FEZ1: variants seen among roughly 807,000 people sequenced by gnomAD.
The protein encoded by FEZ1 is fasciculation and elongation protein zeta 1, also known as fasciculation and elongation protein zeta-1.
FEZ1 carries 20 observed loss-of-function variants against 49.3 expected under a neutral mutation model. That is an observed-to-expected ratio of 0.41 (90% CI 0.29 to 0.59). The LOEUF is 0.59. Among genes scored for constraint, FEZ1 ranks in the 20% least tolerant of loss-of-function variants. The pLI is 0.36. For missense variants in FEZ1, 413 were observed against 476.0 expected (o/e 0.87, Z 1.23); for synonymous variants, 170 against 180.9 (o/e 0.94, Z 0.48).
In FEZ1 at chr11:125,468,396, C is replaced by G. The variant is rs372275946; in HGVS notation, c.412-4826G>C. 5.3e-5 allele frequency among the ~76,000 whole-genome samples: 8 copies of G among 152,196 alleles called. No individual in the cohort carries two copies. The East Asian group carries it at 1.5e-3, about 29-fold the overall frequency. On this transcript the variant is annotated intron_variant, in intron 3 of 9. Transcript: ENST00000278919. ...GTCCAATACTCCCTCTTTATCTTTACCCAGGCTGGCTTCTAACTCCTAGGC... is the reference window on the plus strand; with the variant it reads ...GTCCAATACTCCCTCTTTATCTTTAGCCAGGCTGGCTTCTAACTCCTAGGC...
intron 6 of FEZ1, 123 bp downstream of exon 6, chr11:125,455,710 CAG>C: frequency 1.1e-6 from 1 of 950,192 alleles, no homozygotes; most frequent in Non-Finnish European, 1.7e-6. Context: ...CTGTCTGTCA[CAG>C]TGTGCTGCTC....
chr11:125,466,555 C>A (rs1957132106), intron 3 of FEZ1, among the ~76,000 whole-genome samples: 1 of 151,924 alleles, frequency 6.6e-6, no homozygotes, highest in African/African-American at 2.4e-5. Flanking sequence ...CAAGAAAAGT[C>A]ATTCTTCCAA....
intron 3 of FEZ1, among the ~76,000 whole-genome samples, chr11:125,472,090 A>G (rs1186989476): frequency 6.6e-6 from 1 of 152,102 alleles, no homozygotes; most frequent in Non-Finnish European, 1.5e-5. Flanking sequence ...ACCCAATCAA[A>G]ATATGTAGAA....
At chr11:125,461,649 A>G (rs1328683137) in intron 4 of FEZ1, among the ~76,000 whole-genome samples, 1 of 152,208 alleles carries the variant, frequency 6.6e-6, no homozygotes, top group African/African-American at 2.4e-5. Flanking sequence ...TTGTACATTA[A>G]TTATTTACAA....
intron 9 of FEZ1, among the ~76,000 whole-genome samples, chr11:125,447,281 G>A (rs1956907303): frequency 6.6e-6 from 1 of 152,034 alleles, no homozygotes; most frequent in African/African-American, 2.4e-5. Context: ...TTACACCATG[G>A]GGATGAAATT....
intron 9 of FEZ1, among the ~76,000 whole-genome samples, chr11:125,448,266 T>C (rs1485792184): frequency 6.6e-6 from 1 of 152,226 alleles, no homozygotes; most frequent in Non-Finnish European, 1.5e-5. Context: ...AAGTCCTTTG[T>C]TGGTTTGTTG....
rs1179325667 is a variant in FEZ1 at position 125,443,461 on chromosome 11, A to G, written c.*2634T>C. Among the ~76,000 whole-genome samples the G allele has an allele frequency of 6.6e-6, 1 of 152,230 alleles. No homozygotes were observed. Among genetic ancestry groups the G allele is most frequent in the African/African-American group, 2.4e-5 (1 of 41,454 alleles). On this transcript the variant is annotated 3_prime_UTR_variant, in exon 10 of 10. Coordinates refer to ENST00000278919, the MANE Select transcript of FEZ1 (RefSeq NM_005103.5). ...AATCCTTGATGCAAATACAAGTTGC[A>G]GGGAGATTTAGCTTAATACGTAGTA...
rs1957444378 is a variant in FEZ1, at chr11:125,495,072, A to C, written c.-46+1049T>G. ...ATGTTTGTGCACATTTTGACAGAAAAAGTATTTCGTTGCATATGGATCAGC... is the reference window on the plus strand; with the variant it reads ...ATGTTTGTGCACATTTTGACAGAAACAGTATTTCGTTGCATATGGATCAGC... On this transcript the variant is annotated intron_variant, in intron 1 of 9. Coordinates refer to ENST00000278919, the MANE Select transcript of FEZ1 (RefSeq NM_005103.5). The surrounding 1 kb of genome is among the most constrained non-coding windows in gnomAD (Gnocchi z 4.2). 2 of 331,472 alleles carry C rather than the reference A, an allele frequency of 6.0e-6. No homozygotes were observed. Among genetic ancestry groups the C allele is most frequent in the Admixed American group, 8.5e-5 (2 of 23,434 alleles). The allele number at this position is 331,472 out of a possible 1,614,324, so 20.5% of individuals were successfully genotyped here.
chr11:125,477,863 A>G (rs2135772902), intron 3 of FEZ1, among the ~76,000 whole-genome samples: 1 of 152,124 alleles, frequency 6.6e-6, no homozygotes, highest in Admixed American at 6.5e-5. Flanking sequence ...ATGCAAAAAA[A>G]AAAAAAGGCA....
chr11:125,466,851 C>A (rs1243443985), intron 3 of FEZ1, among the ~76,000 whole-genome samples: 1 of 152,110 alleles, frequency 6.6e-6, no homozygotes, highest in Admixed American at 6.5e-5. Flanking sequence ...TTTCAAATGA[C>A]CCCATTCATA....
chr11:125,474,333 C>T lies in FEZ1; in HGVS notation c.411+7201G>A, dbSNP rs558328923. ...GATTACAGACATGAGCTACCACGCC[C>T]GGCCTAATTTTTCTTTTTGAGAGGG... On this transcript the variant is annotated intron_variant, in intron 3 of 9. Transcript: ENST00000278919. Among the ~76,000 whole-genome samples, 371 of 151,662 alleles carry T rather than the reference C, an allele frequency of 2.4e-3. 2 individuals carry two copies. Among genetic ancestry groups the T allele is most frequent in the Non-Finnish European group, 4.5e-3 (304 of 67,908 alleles).
chr11:125,486,191 C>T (rs1957325194), intron 2 of FEZ1, among the ~76,000 whole-genome samples: 1 of 152,176 alleles, frequency 6.6e-6, no homozygotes, highest in Non-Finnish European at 1.5e-5. Flanking sequence ...TTATTTTTAA[C>T]ATCACCTATA....
chr11:125,457,230 C>T (rs913403526), intron 5 of FEZ1, among the ~76,000 whole-genome samples: 1 of 147,446 alleles, frequency 6.8e-6, no homozygotes, highest in Non-Finnish European at 1.5e-5. Flanking sequence ...AAACTTTATA[C>T]CCTTTAAGCA....
chr11:125,475,275 T>C (rs868545043), intron 3 of FEZ1, among the ~76,000 whole-genome samples: 26 of 141,702 alleles, frequency 1.8e-4, no homozygotes, highest in Non-Finnish European at 2.9e-4. Context: ...GTCTCAAAAA[T>C]ACACACACAC....
intron 3 of FEZ1, among the ~76,000 whole-genome samples, chr11:125,473,836 C>T (rs1338188594): frequency 2.2e-5 from 3 of 135,804 alleles, no homozygotes; most frequent in African/African-American, 8.1e-5. Flanking sequence ...AAAAAAAAAA[C>T]AGAAAGAAAC....
In FEZ1 at chr11:125,449,441, A is replaced by AAAAAAAG. The variant is rs796507357; in HGVS notation, c.1097-875_1097-874insCTTTTTT. Among the ~76,000 whole-genome samples the AAAAAAAG allele has an allele frequency of 1.1e-3, 142 of 128,140 alleles. 6 individuals carry two copies. Among genetic ancestry groups the AAAAAAAG allele is most frequent in the Non-Finnish European group, 1.7e-3 (98 of 59,392 alleles). 84.1% of individuals were successfully genotyped at this position (128,140 alleles called of 152,430 possible). On this transcript the variant is annotated intron_variant, in intron 8 of 9. Coordinates refer to ENST00000278919, the MANE Select transcript of FEZ1 (RefSeq NM_005103.5). The stretch of plus-strand genomic sequence containing the variant: ...ATAAAAAAAAAAAAAAAAAAAAAAA[A>AAAAAAAG]AAGAAGAAGAGGAAGAAAAGAAAAA...
chr11:125,483,355 A>G (rs930568865), intron 2 of FEZ1, among the ~76,000 whole-genome samples: 8 of 152,230 alleles, frequency 5.3e-5, no homozygotes, highest in African/African-American at 1.9e-4. Context: ...TGCTTGGGGC[A>G]TCTGCTTATT....
Position 125,489,971 on chromosome 11 carries a change from T to C in FEZ1, c.-45-149A>G, listed in dbSNP as rs1367250568. On this transcript the variant is annotated intron_variant, in intron 1 of 9. Coordinates refer to ENST00000278919, the MANE Select transcript of FEZ1 (RefSeq NM_005103.5). The surrounding 1 kb of genome is among the most constrained non-coding windows in gnomAD (Gnocchi z 4.2). The stretch of plus-strand genomic sequence containing the variant: ...AGCTCCTGGACAAGATCGTCTAGGT[T>C]TGCATTCTGTTCTGTCCTACCAGCT... 1.6e-6 allele frequency: 1 copy of C among 640,226 alleles called. No homozygotes were observed. Among genetic ancestry groups the C allele is most frequent in the Admixed American group, 3.7e-5 (1 of 26,714 alleles). 39.7% of individuals were successfully genotyped at this position (640,226 alleles called of 1,614,324 possible).
intron 2 of FEZ1, among the ~76,000 whole-genome samples, chr11:125,488,424 T>G (rs1040656202): frequency 3.9e-5 from 6 of 152,204 alleles, no homozygotes; most frequent in Non-Finnish European, 8.8e-5. Flanking sequence ...CTCACGCCTG[T>G]AATCCCAGCA....
Sources: allele counts gnomAD v4.1 joint callset (sites outside exome capture counted in the v4.1 genomes callset), GRCh38; gene constraint gnomAD v4.1.1; non-coding constraint Gnocchi (gnomAD v3.1); transcripts MANE v1.5; gene names NCBI Gene and HGNC (gene_info 2026-07-23, HGNC 2026-07-21).